Variants in FIG4 observed in about 807,000 individuals in gnomAD.
FIG4 encodes polyphosphoinositide phosphatase.
Under a neutral mutation model 118.6 loss-of-function variants are expected in FIG4, and 112 were observed. The observed-to-expected ratio is 0.94, with a 90% CI of 0.81 to 1.11. The LOEUF is 1.11. Among genes scored for constraint, FIG4 ranks in the 50% least tolerant of loss-of-function variants. The probability of loss-of-function intolerance (pLI) is 0.00; values close to 1 mark genes in which losing one functional copy is unlikely to be tolerated. For missense variants in FIG4, 969 were observed against 1,111.7 expected, an observed-to-expected ratio of 0.87 and a Z score of 1.83; for synonymous variants, 369 against 381.2, an observed-to-expected ratio of 0.97 and a Z score of 0.37.
chr6:109,734,132 C>A (rs552773375), intron 5 of FIG4, among the ~76,000 whole-genome samples: 12 of 151,840 alleles, frequency 7.9e-5, no homozygotes, highest in South Asian at 4.2e-4. Flanking sequence ...TGAAACAAAT[C>A]AATTTCAATC....
At position 109,691,443 on chromosome 6, in the gene FIG4, CG is replaced by C; in HGVS notation, c.10del (p.Ala4ProfsTer23). 1 of 1,581,450 alleles carries C rather than the reference CG, an allele frequency of 6.3e-7. No individual in the cohort carries two copies. The highest frequency in any genetic ancestry group is 8.6e-7 in the Non-Finnish European group (1 of 1,163,466). On this transcript the variant is annotated frameshift_variant, in exon 1 of 23. Transcript: ENST00000230124. LOFTEE classifies it high-confidence loss of function. The stretch of plus-strand genomic sequence containing the variant: ...CCCCCATTTGCCGCCGCCATGCCCA[CG>C]GCCGCCGCCCCCATCATCAGCTCGG... Reference protein sequence around the residue: MPTAAAPIISSVQ... With the variant: MPXAAAPIISSVQ...
At chr6:109,756,736 G>A (rs1776918028) in intron 10 of FIG4, among the ~76,000 whole-genome samples, 1 of 152,122 alleles carries the variant, frequency 6.6e-6, no homozygotes, top group Non-Finnish European at 1.5e-5. Flanking sequence ...ATCGTCTCCT[G>A]AGGCTTCTGC....
intron 4 of FIG4, 100 bp from the exon 5 acceptor site, chr6:109,732,537 G>A (rs746502531): frequency 4.2e-6 from 3 of 711,286 alleles, no homozygotes; most frequent in African/African-American, 1.8e-5. Context: ...CAGCTTTAAT[G>A]AGCATATTTA....
In FIG4 at chr6:109,783,032, G is replaced by A. The variant is rs866737979; in HGVS notation, c.1890-1938G>A. 3.3e-5 allele frequency among the ~76,000 whole-genome samples: 5 copies of A among 152,282 alleles called. No individual in the cohort carries two copies. The South Asian group carries it at 6.2e-4, about 19-fold the overall frequency. On this transcript the variant is annotated intron_variant, in intron 16 of 22. Coordinates refer to ENST00000230124, the MANE Select transcript of FIG4 (RefSeq NM_014845.6). Reference sequence around the variant, plus strand: ...GCAGGAACAGAAAACTAAACACTGCGTGTTCTCACTTAAAAGTGGGAGCTG... The same window carrying A: ...GCAGGAACAGAAAACTAAACACTGCATGTTCTCACTTAAAAGTGGGAGCTG...
intron 3 of FIG4, among the ~76,000 whole-genome samples, chr6:109,724,339 C>T (rs141420746): frequency 6.0e-4 from 92 of 152,258 alleles, no homozygotes; most frequent in Non-Finnish European, 8.2e-4. Flanking sequence ...ACCAGAGATA[C>T]TTAGATTTTT....
chr6:109,793,623 C>T (rs1778199778), intron 21 of FIG4, among the ~76,000 whole-genome samples: 1 of 152,250 alleles, frequency 6.6e-6, no homozygotes, highest in South Asian at 2.1e-4. Context: ...TCCACTTATA[C>T]AAATTTGTAA....
chr6:109,801,402 G>A (rs1339922292), intron 22 of FIG4, among the ~76,000 whole-genome samples: 1 of 152,048 alleles, frequency 6.6e-6, no homozygotes, highest in African/African-American at 2.4e-5. Flanking sequence ...ACAAAAATTA[G>A]CCGGGCAAGG....
intron 1 of FIG4, among the ~76,000 whole-genome samples, chr6:109,705,631 G>A (rs1775044213): frequency 6.6e-6 from 1 of 152,168 alleles, no homozygotes; most frequent in African/African-American, 2.4e-5. Flanking sequence ...GCCTTCCTAA[G>A]TATGTGTTTC....
At chr6:109,771,555 G>A (rs1382909665) in intron 15 of FIG4, among the ~76,000 whole-genome samples, 1 of 131,772 alleles carries the variant, frequency 7.6e-6, no homozygotes, top group African/African-American at 2.9e-5. Flanking sequence ...TGCAAGCTCC[G>A]CCTCCTGGGT....
At chr6:109,774,370 T>C (rs1562676354) in intron 15 of FIG4, among the ~76,000 whole-genome samples, 1 of 152,222 alleles carries the variant, frequency 6.6e-6, no homozygotes, top group Non-Finnish European at 1.5e-5. Context: ...AGAAGCATCA[T>C]AATTTAGTTA....
chr6:109,747,782 G>A (rs1321057130), intron 10 of FIG4, among the ~76,000 whole-genome samples: 1 of 152,054 alleles, frequency 6.6e-6, no homozygotes, highest in Non-Finnish European at 1.5e-5. Context: ...AGCATACATA[G>A]TAGAATTATT....
chr6:109,756,113 C>T (rs1203272700), intron 10 of FIG4, among the ~76,000 whole-genome samples: 1 of 152,120 alleles, frequency 6.6e-6, no homozygotes, highest in Non-Finnish European at 1.5e-5. Flanking sequence ...CCTTCAGGAG[C>T]TCTTTTAGGG....
intron 8 of FIG4, 51 bp downstream of exon 8, chr6:109,741,595 T>A: frequency 9.9e-6 from 11 of 1,116,624 alleles, no homozygotes; most frequent in Non-Finnish European, 1.4e-5. Context: ...TTATATCAGC[T>A]TTGCTGATGT....
At chr6:109,795,160 C>T (rs1201718427) in intron 21 of FIG4, among the ~76,000 whole-genome samples, 1 of 117,336 alleles carries the variant, frequency 8.5e-6, no homozygotes, top group Non-Finnish European at 1.6e-5. Flanking sequence ...CTCTGTCGCC[C>T]AGGCGGGACT....
chr6:109,786,374 A>C lies in FIG4; in HGVS notation c.2021A>C (p.His674Pro). Reference protein sequence around the residue: ...FHKYEEEIDIHNEFFRPYELS... With the variant: ...FHKYEEEIDIPNEFFRPYELS... ...AAATATGAAGAAGAGATTGATATCC[A>C]CAATGAGTTCTTTCGGCCATATGAG... is the stretch of plus-strand genomic sequence containing the variant. Residue 674 changes from histidine to proline, a missense_variant, in exon 18 of 23, where the codon CAC (histidine) becomes CCC (proline). Physicochemically the swap from His to Pro is moderately conservative, Grantham distance 77. Transcript: ENST00000230124. 1 of 1,613,976 alleles carries C rather than the reference A, an allele frequency of 6.2e-7. No homozygotes were observed. Among genetic ancestry groups the C allele is most frequent in the Non-Finnish European group, 8.5e-7 (1 of 1,179,802 alleles).
At position 109,691,415 on chromosome 6, in the gene FIG4, G is replaced by T; in HGVS notation, c.-21G>T. 1 of 1,566,498 alleles carries T rather than the reference G, an allele frequency of 6.4e-7. No individual in the cohort carries two copies. The highest frequency in any genetic ancestry group is 8.7e-7 in the Non-Finnish European group (1 of 1,155,152). ...GTCCGGAGGCTCGTGCCCTGTTGTG[G>T]GGCCCCCATTTGCCGCCGCCATGCC... On this transcript the variant is annotated 5_prime_UTR_variant, in exon 1 of 23. Coordinates refer to ENST00000230124, the MANE Select transcript of FIG4 (RefSeq NM_014845.6).
At chr6:109,772,149 C>T (rs1777485972) in intron 15 of FIG4, among the ~76,000 whole-genome samples, 2 of 152,206 alleles carry the variant, frequency 1.3e-5, no homozygotes, top group African/African-American at 2.4e-5. Context: ...CCATCTTACT[C>T]AACCTTTCAA....
In FIG4 at chr6:109,693,293, C is replaced by T. The variant is rs139659874; in HGVS notation, c.66+1792C>T. Among the ~76,000 whole-genome samples the T allele has an allele frequency of 9.9e-5, 15 of 152,224 alleles. No individual in the cohort carries two copies. In the East Asian group the frequency reaches 2.7e-3, roughly 27 times the overall value. Reference sequence around the variant, plus strand: ...AGTAAAACTGTATTGCTTTCAGTTCCCTATATCTGCCCTGTGTTTTTCTGC... The same window carrying T: ...AGTAAAACTGTATTGCTTTCAGTTCTCTATATCTGCCCTGTGTTTTTCTGC... On this transcript the variant is annotated intron_variant, in intron 1 of 22. Transcript: ENST00000230124.
intron 1 of FIG4, among the ~76,000 whole-genome samples, chr6:109,699,482 C>T (rs72941180): frequency 6.1e-5 from 9 of 148,622 alleles, no homozygotes; most frequent in East Asian, 2.0e-4. Context: ...TCCTCATACG[C>T]GGTTTTTTTT....
Sources: allele counts gnomAD v4.1 joint callset (sites outside exome capture counted in the v4.1 genomes callset), GRCh38; gene constraint gnomAD v4.1.1; transcripts MANE v1.5; gene names NCBI Gene and HGNC (gene_info 2026-07-23, HGNC 2026-07-21).